P4HA3: variants seen among roughly 807,000 people sequenced by gnomAD.
P4HA3 encodes prolyl 4-hydroxylase subunit alpha 3, also known as prolyl 4-hydroxylase subunit alpha-3.
In P4HA3, 60 loss-of-function variants were observed where a neutral mutation model predicts 66.7. The ratio of observed to expected loss-of-function variants is 0.90; its 90% CI spans 0.73 to 1.12. P4HA3 has a LOEUF of 1.12. P4HA3 is among the 50% of genes most tolerant of loss of function. P4HA3 has a pLI of 0.00. For missense variants in P4HA3, 683 were observed against 685.8 expected (o/e 1.00, Z 0.05); for synonymous variants, 263 against 274.6 (o/e 0.96, Z 0.42).
At chr11:74,302,904 T>TTTTTC (rs1206781504) in intron 2 of P4HA3, among the ~76,000 whole-genome samples, 13 of 152,094 alleles carry the variant, frequency 8.5e-5, no homozygotes, top group Non-Finnish European at 1.9e-4. Flanking sequence ...TCTTTTTTTC[T>TTTTTC]TTTTCTTTTC....
intron 10 of P4HA3, among the ~76,000 whole-genome samples, chr11:74,272,273 T>A (rs1379718603): frequency 6.6e-6 from 1 of 152,116 alleles, no homozygotes; most frequent in Non-Finnish European, 1.5e-5. Flanking sequence ...ACTGGGCTCT[T>A]ATACCCACGC....
At chr11:74,309,824 C>T (rs1006956155) in intron 1 of P4HA3, among the ~76,000 whole-genome samples, 3 of 152,054 alleles carry the variant, frequency 2.0e-5, no homozygotes, top group African/African-American at 7.3e-5. Context: ...GGACAAGCAC[C>T]ACATTAGCTC....
chr11:74,252,374 G>A (rs903703324), intron 15 of P4HA3: 1 of 451,328 alleles, frequency 2.2e-6, no homozygotes, highest in African/African-American at 2.0e-5. Context: ...AGGGATTATA[G>A]GCACAAGCCA....
intron 3 of P4HA3, among the ~76,000 whole-genome samples, chr11:74,299,199 C>T (rs572844751): frequency 1.3e-5 from 2 of 152,262 alleles, no homozygotes; most frequent in East Asian, 1.9e-4. Flanking sequence ...CATGGCAACA[C>T]GTACCAGACA....
Position 74,267,293 on chromosome 11 carries a change from A to T in P4HA3, c.1590T>A (p.Tyr530Ter), listed in dbSNP as rs368704046. 26 of 1,614,106 alleles carry T rather than the reference A, an allele frequency of 1.6e-5. No homozygotes were observed. The Admixed American group carries it at 4.3e-4, about 27-fold the overall frequency. Reference protein sequence around the residue: ...KWVANKWIHEYGQEFRRPCSS... With the variant: ...KWVANKWIHE ...TGCAGGGTCTGCGGAATTCCTGTCC[A>T]TACTCATGTATCCACTTGTTGGCCA... The change falls in exon 13 of 13, where the codon TAT becomes TAA. Residue 530 changes from tyrosine to a stop codon, truncating the protein, a stop_gained. Transcript: ENST00000331597. LOFTEE classifies it high-confidence loss of function.
intron 1 of P4HA3, among the ~76,000 whole-genome samples, chr11:74,309,701 A>G (rs1316003480): frequency 6.6e-6 from 1 of 152,226 alleles, no homozygotes; most frequent in Non-Finnish European, 1.5e-5. Flanking sequence ...TGCTATTCCA[A>G]AGAGTGACAA....
chr11:74,265,193 C>A (rs1290545321), downstream of P4HA3, among the ~76,000 whole-genome samples: 1 of 152,192 alleles, frequency 6.6e-6, no homozygotes, highest in Non-Finnish European at 1.5e-5. Flanking sequence ...AAGGGAGCAG[C>A]CTCCCCTGCA....
At position 74,289,074 on chromosome 11, in the gene P4HA3, C is replaced by G; in HGVS notation, c.769+5G>C. On this transcript the variant is annotated splice_donor_5th_base_variant and intron_variant, in intron 5 of 12. Transcript: ENST00000331597. ...TGGCTGGCTTATCTTTTATCCATTA[C>G]GTACTGTAGAGAAGAAACTCCCGAG... The G allele has an allele frequency of 6.4e-7, 1 of 1,556,608 alleles. No homozygotes were observed. Among genetic ancestry groups the G allele is most frequent in the Non-Finnish European group, 8.7e-7 (1 of 1,152,808 alleles).
At chr11:74,256,787 T>A (rs868369350) in intron 15 of P4HA3, among the ~76,000 whole-genome samples, 3 of 152,096 alleles carry the variant, frequency 2.0e-5, no homozygotes, top group South Asian at 2.1e-4. Context: ...AAAAGGAAGG[T>A]AGGCACATTT....
chr11:74,282,629 G>A (rs1225517730), intron 7 of P4HA3, among the ~76,000 whole-genome samples: 1 of 151,916 alleles, frequency 6.6e-6, no homozygotes, highest in Non-Finnish European at 1.5e-5. Flanking sequence ...TTTCAGCAAG[G>A]GCTTGAGTGG....
chr11:74,259,925 G>A (rs1311638643), exon 15 of P4HA3: 1 of 152,160 alleles, frequency 6.6e-6, no homozygotes, highest in East Asian at 1.9e-4. Context: ...ATACATACCT[G>A]GGAGTGGAAT....
At chr11:74,259,623 T>G (rs531985370) in intron 15 of P4HA3, among the ~76,000 whole-genome samples, 86 of 152,322 alleles carry the variant, frequency 5.6e-4, no homozygotes, top group African/African-American at 1.8e-3. Flanking sequence ...CCAAGCTCTA[T>G]TCTGCTTTTG....
chr11:74,309,500 T>A lies in P4HA3; in HGVS notation c.200+1912A>T, dbSNP rs182878438. On this transcript the variant is annotated intron_variant, in intron 1 of 12. Transcript: ENST00000331597. ...TTGACCCCCCACTCCCGTCTCCATC[T>A]GAGCTACCCAAAGAGATTACTGGTA... Among the ~76,000 whole-genome samples, 37 of 152,302 alleles carry A rather than the reference T, an allele frequency of 2.4e-4. 1 individual carries two copies. Among genetic ancestry groups the A allele is most frequent in the African/African-American group, 8.4e-4 (35 of 41,568 alleles).
At chr11:74,301,722 A>T (rs1565421479) in intron 3 of P4HA3, among the ~76,000 whole-genome samples, 1 of 152,220 alleles carries the variant, frequency 6.6e-6, no homozygotes, top group African/African-American at 2.4e-5. Context: ...ATTACAACTT[A>T]TAATCAAAGA....
At chr11:74,298,507 A>C in intron 3 of P4HA3, 146 bp from the exon 4 acceptor site, 1 of 938,972 alleles carries the variant, frequency 1.1e-6, no homozygotes, top group Non-Finnish European at 1.6e-6. Flanking sequence ...TTAAGCATCT[A>C]CTATATACAA....
At chr11:74,271,131 G>A (rs183838484) in intron 10 of P4HA3, among the ~76,000 whole-genome samples, 129 of 152,312 alleles carry the variant, frequency 8.5e-4, no homozygotes, top group East Asian at 7.1e-3. Flanking sequence ...CAGAGCAAGA[G>A]GTATAGGAGG....
intron 4 of P4HA3, among the ~76,000 whole-genome samples, chr11:74,297,942 T>A (rs985919165): frequency 6.6e-6 from 1 of 152,228 alleles, no homozygotes; most frequent in Non-Finnish European, 1.5e-5. Context: ...AAATAATGAT[T>A]GTAAAGTAGT....
downstream of P4HA3, among the ~76,000 whole-genome samples, chr11:74,264,348 T>C (rs1859955880): frequency 6.6e-6 from 1 of 152,158 alleles, no homozygotes; most frequent in Non-Finnish European, 1.5e-5. Context: ...AAGGTGTTGC[T>C]ATCCCTACAG....
intron 10 of P4HA3, among the ~76,000 whole-genome samples, chr11:74,270,607 T>C (rs539138387): frequency 1.3e-5 from 2 of 152,356 alleles, no homozygotes; most frequent in Admixed American, 6.5e-5. Flanking sequence ...TGCAAATATA[T>C]TATCTCATTT....
Sources: gnomAD v4.1 joint callset for allele counts (sites outside exome capture counted in the v4.1 genomes callset) on GRCh38, gnomAD v4.1.1 for gene constraint, MANE v1.5 for transcripts, NCBI Gene and HGNC (gene_info 2026-07-23, HGNC 2026-07-21) for gene names.